Variants in EFCAB11 observed in about 807,000 individuals in gnomAD.
EFCAB11 encodes the protein EF-hand calcium-binding domain-containing protein 11.
A neutral mutation model predicts 23.0 loss-of-function variants in EFCAB11; 14 were observed. The observed-to-expected ratio is 0.61, with a 90% confidence interval of 0.40 to 0.95. The LOEUF is 0.95. Among genes scored for constraint, EFCAB11 ranks in the 40% least tolerant of loss-of-function variants. The pLI, the probability that EFCAB11 is intolerant of heterozygous loss-of-function variation, is 0.00. For synonymous variants in EFCAB11, 65 were observed against 66.6 expected (o/e 0.98, Z 0.11); for missense variants, 198 against 195.8 (o/e 1.01, Z -0.07).
At chr14:89,924,125 C>T in intron 5 of EFCAB11, 4 of 985,952 alleles carry the variant, frequency 4.1e-6, no homozygotes, top group Non-Finnish European at 2.4e-6. Context: ...CCAGCCCCCA[C>T]TAATACTCTG....
chr14:89,820,324 A>G (rs962298392), intron 5 of EFCAB11, among the ~76,000 whole-genome samples: 1 of 152,150 alleles, frequency 6.6e-6, no homozygotes, highest in Non-Finnish European at 1.5e-5. Flanking sequence ...GCCACCAAAG[A>G]GACAAAGAAA....
chr14:89,929,580 T>C (rs1203389367), intron 5 of EFCAB11, among the ~76,000 whole-genome samples: 1 of 152,056 alleles, frequency 6.6e-6, no homozygotes, highest in African/African-American at 2.4e-5. Context: ...GACATGGGGT[T>C]TCGCCATGTT....
At chr14:89,800,546 G>A (rs1394941813) in intron 5 of EFCAB11, among the ~76,000 whole-genome samples, 3 of 152,222 alleles carry the variant, frequency 2.0e-5, no homozygotes, top group African/African-American at 7.2e-5. Context: ...ACACAGGGAC[G>A]TAGGTATAGA....
At chr14:89,860,571 GC>G (rs923757860) in intron 5 of EFCAB11, among the ~76,000 whole-genome samples, 1 of 152,134 alleles carries the variant, frequency 6.6e-6, no homozygotes, top group African/African-American at 2.4e-5. Context: ...TATTTCAGTT[GC>G]TACTGTTAGA....
At chr14:89,911,411 T>C (rs1332783667) in intron 5 of EFCAB11, among the ~76,000 whole-genome samples, 3 of 152,158 alleles carry the variant, frequency 2.0e-5, no homozygotes, top group Non-Finnish European at 2.9e-5. Flanking sequence ...GGTCAGACGT[T>C]ATTTCAGACT....
intron 5 of EFCAB11, among the ~76,000 whole-genome samples, chr14:89,849,606 G>T (rs76254189): frequency 8.2e-4 from 101 of 123,278 alleles, no homozygotes; most frequent in Middle Eastern, 5.3e-3. Context: ...AAGGAAATCT[G>T]TTTTTTTTTT....
At chr14:89,804,266 C>T (rs1244144552) in intron 5 of EFCAB11, among the ~76,000 whole-genome samples, 1 of 152,226 alleles carries the variant, frequency 6.6e-6, no homozygotes, top group East Asian at 1.9e-4. Context: ...CCAGCTCACT[C>T]TGCTGTTCTC....
intron 5 of EFCAB11, among the ~76,000 whole-genome samples, chr14:89,810,253 A>AG (rs1241294102): frequency 6.6e-6 from 1 of 152,198 alleles, no homozygotes; most frequent in Non-Finnish European, 1.5e-5. Flanking sequence ...GACGGGAGAA[A>AG]GAACTCACCA....
intron 5 of EFCAB11, among the ~76,000 whole-genome samples, chr14:89,907,578 A>G (rs1889538332): frequency 6.6e-6 from 1 of 152,198 alleles, no homozygotes; most frequent in Admixed American, 6.5e-5. Context: ...TACTATGAAA[A>G]TTTATATGCT....
intron 5 of EFCAB11, among the ~76,000 whole-genome samples, chr14:89,840,342 A>C (rs775141095): frequency 1.3e-5 from 2 of 152,242 alleles, no homozygotes; most frequent in Non-Finnish European, 2.9e-5. Flanking sequence ...TGCAATGAAG[A>C]AATTGTTTTG....
intron 5 of EFCAB11, among the ~76,000 whole-genome samples, chr14:89,809,851 A>T (rs918121268): frequency 6.6e-6 from 1 of 152,236 alleles, no homozygotes. Flanking sequence ...AACAGTGATT[A>T]AAGACTGCAG....
intron 5 of EFCAB11, among the ~76,000 whole-genome samples, chr14:89,802,894 T>C (rs889219044): frequency 5.9e-5 from 9 of 152,212 alleles, no homozygotes; most frequent in African/African-American, 2.2e-4. Context: ...ATTGGCCTTA[T>C]TTCAAATTGT....
chr14:89,859,932 C>A (rs1057264930), intron 5 of EFCAB11, among the ~76,000 whole-genome samples: 2 of 152,062 alleles, frequency 1.3e-5, no homozygotes, highest in East Asian at 3.8e-4. Context: ...CCTCTGATAC[C>A]GTCTTCTCAC....
Position 89,795,813 on chromosome 14 carries a change from C to T in EFCAB11, c.*1430G>A, listed in dbSNP as rs571827148. On this transcript the variant is annotated 3_prime_UTR_variant, in exon 6 of 6. Transcript: ENST00000316738. ...TAAAAAGTGAATTATATTAAAAGTT[C>T]TTTGACTAATGTTCATGTTATGCAT... 2 of 152,276 alleles carry T rather than the reference C, an allele frequency of 1.3e-5. No individual in the cohort carries two copies. Among genetic ancestry groups the T allele is most frequent in the African/African-American group, 2.4e-5 (1 of 41,530 alleles). The allele number at this position is 152,276 out of a possible 1,614,324, so 9.4% of individuals were successfully genotyped here. A position where few individuals can be genotyped will look rare whatever the true frequency, so the allele number is the denominator to read the frequency against.
At chr14:89,883,962 A>G (rs564914265) in intron 5 of EFCAB11, among the ~76,000 whole-genome samples, 3 of 152,240 alleles carry the variant, frequency 2.0e-5, no homozygotes, top group South Asian at 2.1e-4. Context: ...CTCATCTCCA[A>G]AAAAGTTTTA....
chr14:89,887,410 T>C (rs751819399), intron 5 of EFCAB11, among the ~76,000 whole-genome samples: 13 of 152,208 alleles, frequency 8.5e-5, no homozygotes, highest in Non-Finnish European at 1.6e-4. Flanking sequence ...TTTCTAAGCC[T>C]ATGGAAACAC....
chr14:89,887,113 C>T (rs1888814156), intron 5 of EFCAB11, among the ~76,000 whole-genome samples: 1 of 152,136 alleles, frequency 6.6e-6, no homozygotes, highest in Non-Finnish European at 1.5e-5. Context: ...CAAGAACAGA[C>T]AACATCACTG....
intron 3 of EFCAB11, among the ~76,000 whole-genome samples, chr14:89,939,035 C>G (rs1050570243): frequency 2.0e-5 from 3 of 149,198 alleles, no homozygotes; most frequent in Non-Finnish European, 4.4e-5. Context: ...AATCTTATTT[C>G]TATCAAACCC....
At chr14:89,936,664 A>T (rs1169373998) in intron 3 of EFCAB11, among the ~76,000 whole-genome samples, 1 of 152,212 alleles carries the variant, frequency 6.6e-6, no homozygotes, top group Non-Finnish European at 1.5e-5. Flanking sequence ...ATCCAAATAC[A>T]AGACCCTTTT....
Sources: allele counts gnomAD v4.1 joint callset (sites outside exome capture counted in the v4.1 genomes callset), GRCh38; gene constraint gnomAD v4.1.1; transcripts MANE v1.5; gene names NCBI Gene and HGNC (gene_info 2026-07-23, HGNC 2026-07-21).